Variants in TRAF5 observed in about 807,000 individuals in gnomAD.
TRAF5 encodes TNF receptor associated factor 5, also known as TNF receptor-associated factor 5.
TRAF5 carries 48 observed loss-of-function variants against 64.5 expected under a neutral mutation model. That is an observed-to-expected ratio of 0.74 (90% CI 0.59 to 0.95). TRAF5 has a LOEUF of 0.95. Ranked by LOEUF, TRAF5 falls within the 40% of genes least tolerant of loss-of-function variation. TRAF5 has a pLI of 0.00. For synonymous variants in TRAF5, 206 were observed against 240.5 expected, an observed-to-expected ratio of 0.86 and a Z score of 1.33; for missense variants, 545 against 662.8, an observed-to-expected ratio of 0.82 and a Z score of 1.95.
rs186895220 is a variant in TRAF5, at chr1:211,365,399, A to G, written c.720A>G (p.Gln240=). ...AVTDKRRNLQ[Q]HEHSALREHM... is the part of the protein sequence containing the mutation. ...AGGATAAACGGAGGAACCTGCAGCA[A>G]CATGAGCATTCAGCCTTACGGGAGC... The change falls in exon 8 of 11, where the codon CAA becomes CAG. Residue 240 remains glutamine (Q), a synonymous_variant. Coordinates refer to ENST00000261464, the MANE Select transcript of TRAF5 (RefSeq NM_001033910.3). The G allele has an allele frequency of 6.8e-5, 109 of 1,613,890 alleles. No homozygotes were observed. The East Asian group carries it at 1.7e-3, about 25-fold the overall frequency.
At chr1:211,348,747 G>A (rs1702691847) in intron 1 of TRAF5, among the ~76,000 whole-genome samples, 1 of 152,046 alleles carries the variant, frequency 6.6e-6, no homozygotes, top group Non-Finnish European at 1.5e-5. Flanking sequence ...TTGCATCATT[G>A]TTTTGCCTTT....
At chr1:211,365,098 G>A (rs1218830896) in intron 7 of TRAF5, among the ~76,000 whole-genome samples, 3 of 151,424 alleles carry the variant, frequency 2.0e-5, no homozygotes, top group African/African-American at 4.9e-5. Flanking sequence ...GCTTGAACCC[G>A]AGAGGCAGAG....
intron 1 of TRAF5, among the ~76,000 whole-genome samples, chr1:211,334,921 T>C (rs1455079309): frequency 6.6e-6 from 1 of 152,114 alleles, no homozygotes; most frequent in East Asian, 1.9e-4. Flanking sequence ...GTAGAGAAAA[T>C]TGCCCTAGAC....
rs1703585477 is a variant in TRAF5, at chr1:211,372,858, T to G, written c.*156T>G. On this transcript the variant is annotated 3_prime_UTR_variant, in exon 11 of 11. Transcript: ENST00000261464. ...TCAGTTTAAAACTTCTGAAGTGCTG[T>G]CTTTTTACATTTTACTCTGTCCCAG... 1.6e-6 allele frequency: 1 copy of G among 620,114 alleles called. No individual in the cohort carries two copies. Among genetic ancestry groups the G allele is most frequent in the Admixed American group, 3.1e-5 (1 of 32,200 alleles). 38.4% of individuals were successfully genotyped at this position (620,114 alleles called of 1,614,324 possible).
At position 211,365,416 on chromosome 1, in the gene TRAF5, TA is replaced by T; in HGVS notation, c.738del (p.Leu246PhefsTer9). ...RNLQQHEHSA[L>X]REHMRLVLEK... is the part of the protein sequence containing the mutation. ...CTGCAGCAACATGAGCATTCAGCCT[TA>T]CGGGAGCACATGCGTTTGGTTTTAG... is the stretch of plus-strand genomic sequence containing the variant. On this transcript the variant is annotated frameshift_variant, in exon 8 of 11. Transcript: ENST00000261464. LOFTEE classifies it high-confidence loss of function. 6.2e-7 allele frequency: 1 copy of T among 1,613,958 alleles called. No individual in the cohort carries two copies. Among genetic ancestry groups the T allele is most frequent in the South Asian group, 1.1e-5 (1 of 91,060 alleles).
chr1:211,358,491 C>A lies in TRAF5; in HGVS notation c.379-1421C>A, dbSNP rs10863891. On this transcript the variant is annotated intron_variant, in intron 4 of 10. Coordinates refer to ENST00000261464, the MANE Select transcript of TRAF5 (RefSeq NM_001033910.3). Reference sequence around the variant, plus strand: ...GACTCTGTCTAAAAAAAAAAAAAAACAAAAAAAAACCTAGAATGTCCAGCC... The same window carrying A: ...GACTCTGTCTAAAAAAAAAAAAAAAAAAAAAAAAACCTAGAATGTCCAGCC... 2.3e-3 allele frequency: 312 copies of A among 133,644 alleles called. 1 individual carries two copies. Among genetic ancestry groups the A allele is most frequent in the South Asian group, 5.3e-3 (22 of 4,160 alleles). 8.3% of individuals were successfully genotyped at this position (133,644 alleles called of 1,614,324 possible).
rs569660383 is a variant in TRAF5 at position 211,350,371 on chromosome 1, AGAGTGTG to A, written c.-1-2866_-1-2860del. Among the ~76,000 whole-genome samples the A allele has an allele frequency of 1.9e-3, 286 of 147,376 alleles. 1 individual carries two copies. The highest frequency in any genetic ancestry group is 6.8e-3 in the African/African-American group (274 of 40,350). ...AGCTTGTGCGAAGGCCCTGTGGCAT[AGAGTGTG>A]GTGTATTAGAAGAACAAAAACAAAA... On this transcript the variant is annotated intron_variant, in intron 1 of 10. Transcript: ENST00000261464.
rs371406150 is a variant in TRAF5, at chr1:211,341,137, A to G, written c.-1-12102A>G. Among the ~76,000 whole-genome samples, 12 of 152,182 alleles carry G rather than the reference A, an allele frequency of 7.9e-5. No homozygotes were observed. The East Asian group carries it at 1.9e-3, about 24-fold the overall frequency. ...TTGGGAATGTAGTTGAGGTGGCAGT[A>G]GGTAGCCTTTCCAATGAGGAGAAGC... is the stretch of plus-strand genomic sequence containing the variant. On this transcript the variant is annotated intron_variant, in intron 1 of 10. Transcript: ENST00000261464.
intron 1 of TRAF5, among the ~76,000 whole-genome samples, chr1:211,333,441 C>A (rs569640749): frequency 6.6e-6 from 1 of 152,118 alleles, no homozygotes; most frequent in South Asian, 2.1e-4. Context: ...CACTCCCCCC[C>A]CACTCCCCAC....
chr1:211,374,944 A>C lies in TRAF5; in HGVS notation c.*2242A>C, dbSNP rs1703645349. On this transcript the variant is annotated 3_prime_UTR_variant, in exon 11 of 11. Coordinates refer to ENST00000261464, the MANE Select transcript of TRAF5 (RefSeq NM_001033910.3). Reference sequence around the variant, plus strand: ...GAGTAAAAAGCACCTCTTTTTCACAAAACGAGTTGTGATTTTTGTTTTAAA... The same window carrying C: ...GAGTAAAAAGCACCTCTTTTTCACACAACGAGTTGTGATTTTTGTTTTAAA... 6.6e-6 allele frequency: 1 copy of C among 152,238 alleles called. No individual in the cohort carries two copies. The allele number at this position is 152,238 out of a possible 1,614,324, so 9.4% of individuals were successfully genotyped here.
At chr1:211,357,182 G>A (rs1702996596) in intron 4 of TRAF5, 1 of 152,200 alleles carries the variant, frequency 6.6e-6, no homozygotes, top group Non-Finnish European at 1.5e-5. Flanking sequence ...CATGACTCAG[G>A]CTTCTCTAAC....
intron 1 of TRAF5, among the ~76,000 whole-genome samples, chr1:211,349,204 T>C (rs1702707553): frequency 1.3e-5 from 2 of 152,154 alleles, no homozygotes; most frequent in Admixed American, 1.3e-4. Flanking sequence ...TGAGACCCTG[T>C]CTCTGAAAAG....
At chr1:211,360,372 A>C (rs1703135032) in intron 5 of TRAF5, 1 of 489,552 alleles carries the variant, frequency 2.0e-6, no homozygotes. Context: ...TGAATTCTGC[A>C]GTGTAGCTGG....
intron 8 of TRAF5, chr1:211,368,985 A>C (rs1703439179): frequency 6.6e-6 from 1 of 152,508 alleles, no homozygotes. Context: ...TATGGTGATC[A>C]GTACTCTTTG....
At chr1:211,348,691 T>C (rs1019546322) in intron 1 of TRAF5, among the ~76,000 whole-genome samples, 7 of 152,170 alleles carry the variant, frequency 4.6e-5, no homozygotes, top group African/African-American at 1.7e-4. Flanking sequence ...CATTTTCTGT[T>C]GTAGATGTCC....
intron 1 of TRAF5, among the ~76,000 whole-genome samples, chr1:211,329,905 A>G (rs761139734): frequency 6.6e-6 from 1 of 152,230 alleles, no homozygotes; most frequent in Non-Finnish European, 1.5e-5. Context: ...GTGGGCCAGC[A>G]TGAATTTGTT....
chr1:211,336,572 G>T (rs1702298071), intron 1 of TRAF5, among the ~76,000 whole-genome samples: 1 of 152,372 alleles, frequency 6.6e-6, no homozygotes, highest in Admixed American at 6.5e-5. Context: ...CAGGAGAGAG[G>T]CTGCTCTGCT....
At chr1:211,362,618 T>TGCAGTGAG (rs1703221060) in intron 7 of TRAF5, among the ~76,000 whole-genome samples, 1 of 152,126 alleles carries the variant, frequency 6.6e-6, no homozygotes, top group East Asian at 1.9e-4. Context: ...AGGCCAAGGT[T>TGCAGTGAG]GCAGTGAGCC....
At chr1:211,353,784 A>G (rs1008462206) in intron 2 of TRAF5, among the ~76,000 whole-genome samples, 1 of 152,186 alleles carries the variant, frequency 6.6e-6, no homozygotes, top group South Asian at 2.1e-4. Flanking sequence ...AGTCACCCCA[A>G]TCTTCCCTTG....
Sources: allele counts gnomAD v4.1 joint callset (sites outside exome capture counted in the v4.1 genomes callset), GRCh38; gene constraint gnomAD v4.1.1; transcripts MANE v1.5; gene names NCBI Gene and HGNC (gene_info 2026-07-23, HGNC 2026-07-21).